Variants in ATXN8OS observed in about 807,000 individuals in gnomAD.
The protein encoded by ATXN8OS is ATXN8 opposite strand (non-protein coding).
exon 5 of ATXN8OS, among the ~76,000 whole-genome samples, chr13:70,171,620 G>C (rs995555875): frequency 6.6e-6 from 1 of 152,194 alleles, no homozygotes; most frequent in Admixed American, 6.6e-5. Context: ...GGTATATGCA[G>C]TTTGTAGTTG....
intron 2 of ATXN8OS, among the ~76,000 whole-genome samples, chr13:70,128,759 C>T: frequency 6.6e-6 from 1 of 151,900 alleles, no homozygotes; most frequent in Non-Finnish European, 1.5e-5. Context: ...TCCTGAAGCC[C>T]TCAATGTTCG....
Position 70,161,155 on chromosome 13 carries a change from G to GA in ATXN8OS, n.574-8588dup, listed in dbSNP as rs538185511. 6.5e-3 allele frequency among the ~76,000 whole-genome samples: 947 copies of GA among 146,212 alleles called. 9 individuals are homozygous for GA. The highest frequency in any genetic ancestry group is 0.025 in the East Asian group (127 of 5,008). ...TTTAAATTTTTTTAATGATTGAATT[G>GA]AAAAAAAAAATCTAAGGTTAAACTG... On this transcript the variant is annotated intron_variant and non_coding_transcript_variant, in intron 4 of 4. Transcript: ENST00000678624.
At chr13:70,154,840 C>T (rs1473447110) in intron 4 of ATXN8OS, among the ~76,000 whole-genome samples, 1 of 152,230 alleles carries the variant, frequency 6.6e-6, no homozygotes, top group Non-Finnish European at 1.5e-5. Context: ...TAGGCCTGAA[C>T]TACAGCTGCC....
rs138899670 is a variant in ATXN8OS at position 70,169,191 on chromosome 13, A to C, written n.574-562A>C. ...CAAAATCAACAGTTTTTGTACATTA[A>C]AAATGTTTTAGAAAGTGTAAGGTAA... On this transcript the variant is annotated intron_variant and non_coding_transcript_variant, in intron 4 of 4. Transcript: ENST00000678624. 9.5e-4 allele frequency among the ~76,000 whole-genome samples: 144 copies of C among 152,294 alleles called. No homozygotes were observed. The Middle Eastern group carries it at 0.017, about 18-fold the overall frequency.
rs368390196 is a variant in ATXN8OS, at chr13:70,120,693, T to C, written n.398+5395T>C. ...AAATGACAATGCACTGACAGTTCTC[T>C]GCTTTAAATAAAATCTGCACATATA... On this transcript the variant is annotated intron_variant and non_coding_transcript_variant, in intron 2 of 4. Coordinates refer to ENST00000678624, the Ensembl canonical transcript of ATXN8OS. 1.4e-4 allele frequency among the ~76,000 whole-genome samples: 22 copies of C among 152,290 alleles called. No homozygotes were observed. In the East Asian group the frequency reaches 3.1e-3, roughly 21 times the overall value.
At chr13:70,167,864 T>C (rs1207395302) in intron 4 of ATXN8OS, among the ~76,000 whole-genome samples, 1 of 151,376 alleles carries the variant, frequency 6.6e-6, no homozygotes, top group Non-Finnish European at 1.5e-5. Context: ...GCCTCCCGTG[T>C]AGCTTGGACT....
chr13:70,120,853 T>C (rs1404023527), intron 2 of ATXN8OS, among the ~76,000 whole-genome samples: 1 of 139,644 alleles, frequency 7.2e-6, no homozygotes, highest in Non-Finnish European at 1.5e-5. Flanking sequence ...TTCTCACTCA[T>C]AGGTGGGAAC....
chr13:70,145,104 G>A (rs1005038144), intron 3 of ATXN8OS, among the ~76,000 whole-genome samples: 1 of 152,092 alleles, frequency 6.6e-6, no homozygotes, highest in Non-Finnish European at 1.5e-5. Context: ...TTATTAAATA[G>A]GGAATCCTTT....
At chr13:70,167,491 C>A (rs1207963430) in intron 4 of ATXN8OS, among the ~76,000 whole-genome samples, 4 of 151,840 alleles carry the variant, frequency 2.6e-5, no homozygotes, top group Non-Finnish European at 5.9e-5. Flanking sequence ...AGGGGAACAT[C>A]ACACTCTGGG....
chr13:70,127,119 TC>T lies in ATXN8OS; in HGVS notation n.399-2664del, dbSNP rs1480576004. ...ACAGAGACAGAAAGAAAGTTTAAAA[TC>T]AAAAACTGTAAATAAATTCAAATTG... On this transcript the variant is annotated intron_variant and non_coding_transcript_variant, in intron 2 of 4. Coordinates refer to ENST00000678624, the Ensembl canonical transcript of ATXN8OS. 2.0e-5 allele frequency among the ~76,000 whole-genome samples: 3 copies of T among 151,824 alleles called. No homozygotes were observed. The East Asian group carries it at 5.8e-4, about 29-fold the overall frequency.
exon 4 of ATXN8OS, among the ~76,000 whole-genome samples, chr13:70,147,370 A>C (rs1262927271): frequency 1.3e-5 from 2 of 152,092 alleles, no homozygotes; most frequent in African/African-American, 4.8e-5. Context: ...TATCTGGATA[A>C]AGTGCGAAGG....
intron 3 of ATXN8OS, among the ~76,000 whole-genome samples, chr13:70,144,259 C>T (rs183962280): frequency 1.2e-4 from 18 of 152,184 alleles, no homozygotes; most frequent in Non-Finnish European, 1.6e-4. Flanking sequence ...GTTTACATTT[C>T]GCATAAATAC....
chr13:70,166,147 C>A (rs1397902974), intron 4 of ATXN8OS, among the ~76,000 whole-genome samples: 2 of 151,894 alleles, frequency 1.3e-5, no homozygotes, highest in East Asian at 3.9e-4. Flanking sequence ...TCAACCAATT[C>A]CTTTCAACTA....
chr13:70,126,982 A>T (rs1888447685), intron 2 of ATXN8OS, among the ~76,000 whole-genome samples: 2 of 151,814 alleles, frequency 1.3e-5, no homozygotes. Flanking sequence ...TACATATATC[A>T]ACTATAATAT....
At chr13:70,156,258 TG>T in intron 4 of ATXN8OS, among the ~76,000 whole-genome samples, 1 of 151,946 alleles carries the variant, frequency 6.6e-6, no homozygotes, top group Non-Finnish European at 1.5e-5. Flanking sequence ...TGTGTGTGTG[TG>T]TGTGTGTGTG....
chr13:70,114,679 C>T (rs1888248417), intron 1 of ATXN8OS, among the ~76,000 whole-genome samples: 2 of 151,952 alleles, frequency 1.3e-5, no homozygotes, highest in Admixed American at 1.3e-4. Flanking sequence ...TGGATAATGA[C>T]TCAAGAAACT....
At chr13:70,155,496 A>C (rs538353025) in intron 4 of ATXN8OS, among the ~76,000 whole-genome samples, 3 of 152,174 alleles carry the variant, frequency 2.0e-5, no homozygotes, top group Non-Finnish European at 4.4e-5. Flanking sequence ...CTAGTATTCC[A>C]GTGTCTCTCG....
At chr13:70,153,702 C>G (rs1888901314) in intron 4 of ATXN8OS, among the ~76,000 whole-genome samples, 1 of 152,156 alleles carries the variant, frequency 6.6e-6, no homozygotes, top group South Asian at 2.1e-4. Context: ...TTTCTTCACA[C>G]AGGGTCTTGC....
chr13:70,156,135 C>CA (rs113157212), intron 4 of ATXN8OS, among the ~76,000 whole-genome samples: 15,941 of 151,458 alleles, frequency 0.11, 1,126 homozygotes, highest in African/African-American at 0.2. Flanking sequence ...TGCAATAATA[C>CA]AAAAAAAATG....
Sources: gnomAD v4.1 joint callset for allele counts (sites outside exome capture counted in the v4.1 genomes callset) on GRCh38, gnomAD v4.1.1 for gene constraint, MANE v1.5 for transcripts, NCBI Gene and HGNC (gene_info 2026-07-23, HGNC 2026-07-21) for gene names.